ACAD9: variants seen among roughly 807,000 people sequenced by gnomAD.
The protein encoded by ACAD9 is complex I assembly factor ACAD9, mitochondrial.
ACAD9 carries 53 observed loss-of-function variants against 70.2 expected under a neutral mutation model. That is an observed-to-expected ratio of 0.75 (90% CI 0.61 to 0.95). The LOEUF (loss-of-function observed/expected upper bound fraction) is 0.95, where lower values mean the gene tolerates loss of function less well. Ranked by LOEUF, ACAD9 falls within the 40% of genes least tolerant of loss-of-function variation. The probability of loss-of-function intolerance (pLI) is 0.00; values close to 1 mark genes in which losing one functional copy is unlikely to be tolerated. For missense variants in ACAD9, 777 were observed against 802.8 expected (o/e 0.97, Z 0.39); for synonymous variants, 313 against 312.1 (o/e 1.00, Z -0.03).
At chr3:128,904,657 G>T in intron 11 of ACAD9, 152 bp downstream of exon 11, 1 of 1,339,178 alleles carries the variant, frequency 7.5e-7, no homozygotes, top group Non-Finnish European at 1.0e-6. Context: ...GCACTCCAGG[G>T]ATAGGCAGGC....
In ACAD9 at chr3:128,902,276, C is replaced by G. The variant is rs777784433; in HGVS notation, c.883-277C>G. On this transcript the variant is annotated intron_variant, in intron 8 of 17. Transcript: ENST00000308982. This position sits in a 1 kb window ranked among gnomAD's most constrained non-coding sequence, Gnocchi z 4.0. Reference sequence around the variant, plus strand: ...TTGGTCTTGAACTCCTGGGCTCAAGCGATCCTCTTGCCTTGGCCTTCCAAA... The same window carrying G: ...TTGGTCTTGAACTCCTGGGCTCAAGGGATCCTCTTGCCTTGGCCTTCCAAA... Among the ~76,000 whole-genome samples the G allele has an allele frequency of 6.6e-6, 1 of 152,242 alleles. No homozygotes were observed. The highest frequency in any genetic ancestry group is 1.5e-5 in the Non-Finnish European group (1 of 68,038).
rs77961377 is a variant in ACAD9, at chr3:128,913,073, A to G, written c.*466A>G. 7 of 454,100 alleles carry G rather than the reference A, an allele frequency of 1.5e-5. No individual in the cohort carries two copies. The highest frequency in any genetic ancestry group is 3.1e-5 in the Non-Finnish European group (7 of 226,310). The allele number at this position is 454,100 out of a possible 1,614,324, so 28.1% of individuals were successfully genotyped here. On this transcript the variant is annotated 3_prime_UTR_variant, in exon 18 of 18. Transcript: ENST00000308982. ...GCACTTAAAACATGTACCAGGAACC[A>G]TTTAACAAAGAATATAAAATGTCAC...
chr3:128,909,862 G>A, intron 15 of ACAD9, 159 bp from the exon 16 acceptor site: 5 of 1,002,326 alleles, frequency 5.0e-6, no homozygotes, highest in Non-Finnish European at 7.6e-6. Flanking sequence ...GAAGGTGGCT[G>A]GGAGCCGTTC....
intron 4 of ACAD9, 117 bp from the exon 5 acceptor site, chr3:128,896,319 C>T: frequency 8.8e-7 from 1 of 1,133,258 alleles, no homozygotes; most frequent in Non-Finnish European, 1.3e-6. Flanking sequence ...GCTCTGAGTT[C>T]TTGCTGTCTT....
At position 128,912,713 on chromosome 3, in the gene ACAD9, C is replaced by T. The variant is rs1401827025; in HGVS notation, c.*106C>T. Reference sequence around the variant, plus strand: ...GTGTTGGGATTATCACAGGTTAAGCCTTTTGTTCCCCGTCTGCACCTGAAG... The same window carrying T: ...GTGTTGGGATTATCACAGGTTAAGCTTTTTGTTCCCCGTCTGCACCTGAAG... On this transcript the variant is annotated 3_prime_UTR_variant, in exon 18 of 18. Transcript: ENST00000308982. 2 of 1,078,996 alleles carry T rather than the reference C, an allele frequency of 1.9e-6. No homozygotes were observed. The highest frequency in any genetic ancestry group is 2.9e-6 in the Non-Finnish European group (2 of 700,378). The allele number at this position is 1,078,996 out of a possible 1,614,324, so 66.8% of individuals were successfully genotyped here.
chr3:128,893,563 C>A lies in ACAD9; in HGVS notation c.253C>A (p.Arg85=). 1.9e-6 allele frequency: 3 copies of A among 1,613,834 alleles called. No individual in the cohort carries two copies. The highest frequency in any genetic ancestry group is 2.5e-6 in the Non-Finnish European group (3 of 1,179,874). The change falls in exon 3 of 18, where the codon CGA becomes AGA. Residue 85 remains arginine, a synonymous_variant. Coordinates refer to ENST00000308982, the MANE Select transcript of ACAD9 (RefSeq NM_014049.5). ...GATTTTCCTCTTGGCAGTGGACTCC[C>A]GAAAAATTGACCAGGAAGGGAAAAT... The part of the protein sequence containing the change: ...EKFFTEEVDS[R]KIDQEGKIPD...
intron 2 of ACAD9, among the ~76,000 whole-genome samples, chr3:128,886,656 C>A (rs546053413): frequency 9.0e-5 from 11 of 121,844 alleles, no homozygotes; most frequent in African/African-American, 1.6e-4. Flanking sequence ...TGCGGTGAGC[C>A]GAGATCGCGC....
At chr3:128,910,615 G>A (rs1051620304) in intron 16 of ACAD9, 126 bp from the exon 17 acceptor site, 4 of 1,019,830 alleles carry the variant, frequency 3.9e-6, no homozygotes, top group Admixed American at 1.7e-5. Context: ...AAGACGGGGT[G>A]ACTCCTGTGC....
At chr3:128,906,352 G>A in intron 12 of ACAD9, 103 bp downstream of exon 12, 1 of 1,555,628 alleles carries the variant, frequency 6.4e-7, no homozygotes. Flanking sequence ...CCCAGGGCTG[G>A]GTCGCATGCT....
At chr3:128,899,491 G>T in intron 7 of ACAD9, 30 bp downstream of exon 7, 2 of 1,609,492 alleles carry the variant, frequency 1.2e-6, no homozygotes, top group Non-Finnish European at 1.7e-6. Context: ...GCGTGCGCGT[G>T]TGTGTGTGTA....
At chr3:128,911,920 G>A (rs192866452) in intron 17 of ACAD9, among the ~76,000 whole-genome samples, 15 of 152,254 alleles carry the variant, frequency 9.9e-5, no homozygotes, top group Admixed American at 2.0e-4. Context: ...GGCTTTGCTC[G>A]TGCTCCCCGC....
At chr3:128,889,797 A>T (rs532074053) in intron 2 of ACAD9, among the ~76,000 whole-genome samples, 3 of 152,312 alleles carry the variant, frequency 2.0e-5, no homozygotes, top group Non-Finnish European at 4.4e-5. Context: ...TCACCAAAAA[A>T]GTTGCCATAA....
chr3:128,908,134 A>G, intron 12 of ACAD9, 51 bp from the exon 13 acceptor site: 2 of 1,584,048 alleles, frequency 1.3e-6, no homozygotes, highest in South Asian at 1.1e-5. Flanking sequence ...TGGCACTACC[A>G]TGGCTGCCTG....
chr3:128,882,514 G>A (rs930107342), intron 1 of ACAD9, among the ~76,000 whole-genome samples: 7 of 152,182 alleles, frequency 4.6e-5, no homozygotes, highest in African/African-American at 1.4e-4. Context: ...GCCTTACTGG[G>A]ATTAGAGCAG....
chr3:128,908,635 T>C, intron 13 of ACAD9: 1 of 535,486 alleles, frequency 1.9e-6, no homozygotes, highest in Non-Finnish European at 3.4e-6. Context: ...CCCCTCATGC[T>C]CCCCTCCACC....
At chr3:128,907,684 G>A (rs1276783063) in intron 12 of ACAD9, among the ~76,000 whole-genome samples, 6 of 152,232 alleles carry the variant, frequency 3.9e-5, no homozygotes, top group African/African-American at 1.4e-4. Context: ...AAGCCCACTG[G>A]CCTCTCACTG....
intron 7 of ACAD9, 25 bp downstream of exon 7, chr3:128,899,486 CGCGTGT>C: frequency 1.2e-6 from 2 of 1,607,588 alleles, no homozygotes. Flanking sequence ...TGCGCGCGTG[CGCGTGT>C]GTGTGTGTAA....
At chr3:128,891,621 G>GAAAAGA (rs1009466390) in intron 2 of ACAD9, among the ~76,000 whole-genome samples, 4 of 152,020 alleles carry the variant, frequency 2.6e-5, no homozygotes, top group Non-Finnish European at 5.9e-5. Flanking sequence ...ACTCCATCTC[G>GAAAAGA]AAAAGAAAAA....
At chr3:128,904,656 G>T in intron 11 of ACAD9, 151 bp downstream of exon 11, 1 of 1,334,166 alleles carries the variant, frequency 7.5e-7, no homozygotes, top group Non-Finnish European at 1.0e-6. Flanking sequence ...AGCACTCCAG[G>T]GATAGGCAGG....
Sources: allele counts gnomAD v4.1 joint callset (sites outside exome capture counted in the v4.1 genomes callset), GRCh38; gene constraint gnomAD v4.1.1; non-coding constraint Gnocchi (gnomAD v3.1); transcripts MANE v1.5; gene names NCBI Gene and HGNC (gene_info 2026-07-23, HGNC 2026-07-21).